Variants in CNKSR3 observed in about 807,000 individuals in gnomAD.
CNKSR3 encodes the protein CNKSR family member 3.
In CNKSR3, 36 loss-of-function variants were observed where a neutral mutation model predicts 67.7. The observed-to-expected ratio is 0.53, with a 90% confidence interval of 0.41 to 0.70. The LOEUF is 0.70. Ranked by LOEUF, CNKSR3 falls within the 30% of genes least tolerant of loss-of-function variation. The probability of loss-of-function intolerance (pLI) is 0.00; values close to 1 mark genes in which losing one functional copy is unlikely to be tolerated. For missense variants in CNKSR3, 630 were observed against 695.2 expected (o/e 0.91, Z 1.05); for synonymous variants, 281 against 271.4 (o/e 1.04, Z -0.35).
Position 154,510,304 on chromosome 6 carries a change from C to T in CNKSR3, c.-190G>A, listed in dbSNP as rs1787190327. On this transcript the variant is annotated 5_prime_UTR_variant, in exon 1 of 13. Transcript: ENST00000607772. ...CTCCGCCAGGGGAGCCCGGCCCTCT[C>T]CCTCCAGCTGCCACAGTCCAGCTGC... 1 of 605,710 alleles carries T rather than the reference C, an allele frequency of 1.7e-6. No individual in the cohort carries two copies. Among genetic ancestry groups the T allele is most frequent in the Admixed American group, 2.9e-5 (1 of 34,784 alleles). 37.5% of individuals were successfully genotyped at this position (605,710 alleles called of 1,614,324 possible). A position where few individuals can be genotyped will look rare whatever the true frequency, so the allele number is the denominator to read the frequency against.
chr6:154,444,755 G>A (rs1398751869), intron 2 of CNKSR3, among the ~76,000 whole-genome samples: 1 of 152,038 alleles, frequency 6.6e-6, no homozygotes, highest in Non-Finnish European at 1.5e-5. Context: ...ACAGGCAAGT[G>A]CCACCATGCT....
At chr6:154,479,961 T>C (rs1786532599) in intron 1 of CNKSR3, among the ~76,000 whole-genome samples, 1 of 152,198 alleles carries the variant, frequency 6.6e-6, no homozygotes, top group Non-Finnish European at 1.5e-5. Context: ...GGGGTTTAAC[T>C]GCACTGCAGT....
rs1784699950 is a variant in CNKSR3 at position 154,400,043 on chromosome 6, G to A, written c.*6311C>T. The A allele has an allele frequency of 6.6e-6, 1 of 152,156 alleles. No individual in the cohort carries two copies. The highest frequency in any genetic ancestry group is 1.5e-5 in the Non-Finnish European group (1 of 68,028). The allele number at this position is 152,156 out of a possible 1,614,324, so 9.4% of individuals were successfully genotyped here. On this transcript the variant is annotated 3_prime_UTR_variant, in exon 13 of 13. Transcript: ENST00000607772. ...ATGATGAGAATATCCTTATCCCTGG[G>A]TGTGAGGAGTAATTACTCTACTGCC...
Position 154,388,545 on chromosome 6 carries a change from G to C in CNKSR3, c.*17809C>G, listed in dbSNP as rs1784573874. The stretch of plus-strand genomic sequence containing the variant: ...TAAATATCCAGAAATAGGGTTGCTA[G>C]GTCACATGGCAGTTCTATTTTTACA... On this transcript the variant is annotated 3_prime_UTR_variant, in exon 13 of 13. Coordinates refer to ENST00000607772, the MANE Select transcript of CNKSR3 (RefSeq NM_173515.4). 6.6e-6 allele frequency: 1 copy of C among 152,080 alleles called. No homozygotes were observed. The highest frequency in any genetic ancestry group is 1.5e-5 in the Non-Finnish European group (1 of 67,996). 9.4% of individuals were successfully genotyped at this position (152,080 alleles called of 1,614,324 possible). A position where few individuals can be genotyped will look rare whatever the true frequency, so the allele number is the denominator to read the frequency against.
At chr6:154,423,322 T>C (rs1785186075) in intron 7 of CNKSR3, among the ~76,000 whole-genome samples, 1 of 152,194 alleles carries the variant, frequency 6.6e-6, no homozygotes, top group African/African-American at 2.4e-5. Flanking sequence ...TGGAGGGCAA[T>C]GGTGGATCTC....
At chr6:154,431,381 T>C (rs1447490616) in intron 5 of CNKSR3, among the ~76,000 whole-genome samples, 6 of 148,714 alleles carry the variant, frequency 4.0e-5, no homozygotes, top group East Asian at 2.0e-4. Context: ...GAGGCAGAGG[T>C]TGCAGTAAGC....
rs368097129 is a variant in CNKSR3, at chr6:154,454,082, A to AACAC, written c.53-3828_53-3825dup. Among the ~76,000 whole-genome samples the AACAC allele has an allele frequency of 2.5e-3, 198 of 78,202 alleles. 4 individuals are homozygous for AACAC. The highest frequency in any genetic ancestry group is 5.5e-3 in the African/African-American group (99 of 17,914). The allele number at this position is 78,202 out of a possible 152,430, so 51.3% of individuals were successfully genotyped here. On this transcript the variant is annotated intron_variant, in intron 1 of 12. Coordinates refer to ENST00000607772, the MANE Select transcript of CNKSR3 (RefSeq NM_173515.4). ...AAGGAAATCCCAAATGCAAGATGAA[A>AACAC]ACACACACACACACACACACACAGA...
In CNKSR3 at chr6:154,401,629, A is replaced by C. The variant is rs1411198821; in HGVS notation, c.*4725T>G. On this transcript the variant is annotated 3_prime_UTR_variant, in exon 13 of 13. Coordinates refer to ENST00000607772, the MANE Select transcript of CNKSR3 (RefSeq NM_173515.4). ...AAAGTAGTTTACTTTTAAGATGTCC[A>C]TCTTCCACAGAATCTCCAAGGAAGT... The C allele has an allele frequency of 6.6e-6, 1 of 152,254 alleles. No individual in the cohort carries two copies. The highest frequency in any genetic ancestry group is 2.4e-5 in the African/African-American group (1 of 41,478). The allele number at this position is 152,254 out of a possible 1,614,324, so 9.4% of individuals were successfully genotyped here.
At chr6:154,421,289 C>T (rs1419313267) in intron 9 of CNKSR3, among the ~76,000 whole-genome samples, 1 of 152,212 alleles carries the variant, frequency 6.6e-6, no homozygotes, top group Non-Finnish European at 1.5e-5. Flanking sequence ...GCTGGGATTA[C>T]CGGCGTGAGC....
intron 1 of CNKSR3, among the ~76,000 whole-genome samples, chr6:154,451,495 GCATACATGC>G (rs1785828689): frequency 5.5e-5 from 1 of 18,150 alleles, no homozygotes; most frequent in Non-Finnish European, 8.7e-5. Context: ...ACGCACACAC[GCATACATGC>G]ACACACACGC....
At chr6:154,452,166 G>A (rs187242401) in intron 1 of CNKSR3, among the ~76,000 whole-genome samples, 245 of 152,312 alleles carry the variant, frequency 1.6e-3, no homozygotes, top group African/African-American at 5.4e-3. Flanking sequence ...TAAGGCTCAC[G>A]GAGGATACAT....
At chr6:154,492,661 T>G (rs957928109) in intron 1 of CNKSR3, among the ~76,000 whole-genome samples, 1 of 150,826 alleles carries the variant, frequency 6.6e-6, no homozygotes, top group African/African-American at 2.4e-5. Flanking sequence ...CAGGAGAATC[T>G]CTTGAACCCA....
chr6:154,486,747 G>A (rs1786675254), intron 1 of CNKSR3, among the ~76,000 whole-genome samples: 1 of 152,092 alleles, frequency 6.6e-6, no homozygotes, highest in African/African-American at 2.4e-5. Flanking sequence ...GCTTGCCTCG[G>A]CCTCCCAAAG....
chr6:154,425,776 A>C (rs1377969643), intron 7 of CNKSR3, among the ~76,000 whole-genome samples: 1 of 43,310 alleles, frequency 2.3e-5, no homozygotes, highest in Non-Finnish European at 4.8e-5. Flanking sequence ...AGATTGAAGA[A>C]TATGGACATA....
intron 7 of CNKSR3, among the ~76,000 whole-genome samples, chr6:154,424,756 G>GTTT (rs201362803): frequency 2.0e-5 from 3 of 151,868 alleles, no homozygotes; most frequent in Non-Finnish European, 4.4e-5. Context: ...TTTCTGTTTT[G>GTTT]TTTTTTTGTT....
intron 1 of CNKSR3, among the ~76,000 whole-genome samples, chr6:154,481,195 AATTT>A: frequency 6.6e-6 from 1 of 151,116 alleles, no homozygotes; most frequent in Non-Finnish European, 1.5e-5. Flanking sequence ...AGTCAGTTCT[AATTT>A]ATTTGATAGC....
At chr6:154,430,253 G>A (rs532843408) in intron 6 of CNKSR3, among the ~76,000 whole-genome samples, 2 of 152,234 alleles carry the variant, frequency 1.3e-5, no homozygotes, top group East Asian at 1.9e-4. Context: ...TTCAAAATAC[G>A]AGTATACAGT....
At position 154,454,961 on chromosome 6, in the gene CNKSR3, T is replaced by C. The variant is rs953820581; in HGVS notation, c.53-4703A>G. 1.6e-4 allele frequency among the ~76,000 whole-genome samples: 24 copies of C among 152,294 alleles called. 1 individual carries two copies. Among genetic ancestry groups the C allele is most frequent in the Admixed American group, 2.0e-4 (3 of 15,298 alleles). The stretch of plus-strand genomic sequence containing the variant: ...CAAATGTGAGAGCCTGCAATCATCA[T>C]TGGTTTCACCTAAAAAATTTTTATG... On this transcript the variant is annotated intron_variant, in intron 1 of 12. Coordinates refer to ENST00000607772, the MANE Select transcript of CNKSR3 (RefSeq NM_173515.4).
intron 1 of CNKSR3, among the ~76,000 whole-genome samples, chr6:154,461,718 A>C (rs1036390739): frequency 8.5e-5 from 13 of 152,240 alleles, no homozygotes; most frequent in African/African-American, 2.9e-4. Flanking sequence ...GTATATAGTA[A>C]GCGCTACTAT....
Sources: gnomAD v4.1 joint callset for allele counts (sites outside exome capture counted in the v4.1 genomes callset) on GRCh38, gnomAD v4.1.1 for gene constraint, MANE v1.5 for transcripts, NCBI Gene and HGNC (gene_info 2026-07-23, HGNC 2026-07-21) for gene names.